The following ERBIN variants were observed in gnomAD, a reference collection of about 807,000 sequenced individuals.
ERBIN encodes the protein erbb2 interacting protein.
In ERBIN, 60 loss-of-function variants were observed where a neutral mutation model predicts 158.4. The observed-to-expected ratio is 0.38, with a 90% CI of 0.31 to 0.47. ERBIN has a LOEUF of 0.47. Ranked by LOEUF, ERBIN falls within the 20% of genes least tolerant of loss-of-function variation. The pLI, the probability that ERBIN is intolerant of heterozygous loss-of-function variation, is 0.99. For missense variants in ERBIN, 1,610 were observed against 1,648.0 expected (o/e 0.98, Z 0.40); for synonymous variants, 594 against 557.2 (o/e 1.07, Z -0.93).
At chr5:66,033,954 C>G (rs997386597) in intron 14 of ERBIN, among the ~76,000 whole-genome samples, 2 of 151,948 alleles carry the variant, frequency 1.3e-5, no homozygotes, top group Non-Finnish European at 2.9e-5. Flanking sequence ...ACTGAAAATA[C>G]AAAAATTAGC....
At chr5:65,944,427 G>C (rs975772558) in intron 1 of ERBIN, among the ~76,000 whole-genome samples, 1 of 151,874 alleles carries the variant, frequency 6.6e-6, no homozygotes, top group African/African-American at 2.4e-5. Flanking sequence ...TTTTGAGGCA[G>C]AGTTTGCTCT....
chr5:66,076,116 C>A, intron 23 of ERBIN, 200 bp from the exon 24 acceptor site: 1 of 539,932 alleles, frequency 1.9e-6, no homozygotes, highest in Non-Finnish European at 3.2e-6. Flanking sequence ...TTATATAATC[C>A]CAGCTCTGCC....
intron 1 of ERBIN, among the ~76,000 whole-genome samples, chr5:65,928,060 C>A (rs577141315): frequency 6.6e-6 from 1 of 151,878 alleles, no homozygotes; most frequent in Non-Finnish European, 1.5e-5. Context: ...ACCGGAAACC[C>A]GAGGAGAGAG....
chr5:65,977,413 G>A (rs1330475771), intron 1 of ERBIN, among the ~76,000 whole-genome samples: 3 of 150,894 alleles, frequency 2.0e-5, no homozygotes, highest in African/African-American at 7.3e-5. Flanking sequence ...GGCGGCTGCC[G>A]GGCGGAGGGG....
At chr5:66,004,496 T>G (rs1178728308) in intron 4 of ERBIN, among the ~76,000 whole-genome samples, 1 of 152,174 alleles carries the variant, frequency 6.6e-6, no homozygotes. Context: ...CCTCCCAGGT[T>G]CAAGCAATTC....
At chr5:66,055,840 A>G (rs989117751) in intron 21 of ERBIN, among the ~76,000 whole-genome samples, 3 of 152,338 alleles carry the variant, frequency 2.0e-5, no homozygotes, top group African/African-American at 7.2e-5. Context: ...TGCCTAAAAT[A>G]TATTAGTACC....
chr5:65,964,782 A>C, intron 1 of ERBIN, among the ~76,000 whole-genome samples: 1 of 125,058 alleles, frequency 8.0e-6, no homozygotes, highest in Non-Finnish European at 1.6e-5. Context: ...TCGCTCTGTC[A>C]CCCAGACTAG....
At chr5:66,068,654 T>G (rs1761243263) in intron 21 of ERBIN, among the ~76,000 whole-genome samples, 1 of 152,208 alleles carries the variant, frequency 6.6e-6, no homozygotes, top group South Asian at 2.1e-4. Flanking sequence ...TTCCTTTGCT[T>G]AAACATGTGA....
chr5:66,070,250 G>A (rs999438457), intron 21 of ERBIN, among the ~76,000 whole-genome samples: 3 of 151,916 alleles, frequency 2.0e-5, no homozygotes, highest in African/African-American at 7.3e-5. Context: ...TCACTATGTT[G>A]GCCAGAGGTC....
At chr5:66,055,548 T>A (rs1759501182) in intron 21 of ERBIN, among the ~76,000 whole-genome samples, 1 of 152,174 alleles carries the variant, frequency 6.6e-6, no homozygotes. Context: ...ATGCTCGTGT[T>A]CAATTTATAA....
intron 15 of ERBIN, 64 bp from the exon 16 acceptor site, chr5:66,043,013 C>T: frequency 8.2e-7 from 1 of 1,225,120 alleles, no homozygotes; most frequent in Non-Finnish European, 1.2e-6. Context: ...AAATTATGAG[C>T]AAGTGATAGT....
chr5:66,058,935 G>A (rs1168679640), intron 21 of ERBIN, among the ~76,000 whole-genome samples: 2 of 152,162 alleles, frequency 1.3e-5, no homozygotes, highest in Non-Finnish European at 2.9e-5. Context: ...TTTGGTTACT[G>A]TAGCCTTGTA....
At chr5:65,935,882 G>A (rs1008849499) in intron 1 of ERBIN, among the ~76,000 whole-genome samples, 4 of 152,010 alleles carry the variant, frequency 2.6e-5, no homozygotes, top group Non-Finnish European at 5.9e-5. Flanking sequence ...ATGCCACCAC[G>A]CCCAGCTAAT....
chr5:65,992,959 A>G, intron 3 of ERBIN, 52 bp downstream of exon 3: 1 of 1,357,680 alleles, frequency 7.4e-7, no homozygotes, highest in Non-Finnish European at 9.8e-7. Flanking sequence ...TTATATCTAG[A>G]AATATGATAT....
chr5:65,947,834 C>T, intron 1 of ERBIN, among the ~76,000 whole-genome samples: 1 of 151,898 alleles, frequency 6.6e-6, no homozygotes, highest in East Asian at 1.9e-4. Flanking sequence ...TGACAAAACC[C>T]CATCTCTACT....
intron 22 of ERBIN, among the ~76,000 whole-genome samples, chr5:66,073,063 A>G (rs539203716): frequency 6.6e-6 from 1 of 152,072 alleles, no homozygotes; most frequent in Admixed American, 6.5e-5. Flanking sequence ...CTCATTACAT[A>G]TATTTTGTGG....
At chr5:65,957,229 A>AT (rs1179877259) in intron 1 of ERBIN, among the ~76,000 whole-genome samples, 5 of 141,438 alleles carry the variant, frequency 3.5e-5, no homozygotes, top group South Asian at 4.2e-4. Context: ...ATTTTATTTT[A>AT]TTTTTTTTAT....
At chr5:66,012,320 C>T (rs1027257167) in intron 5 of ERBIN, among the ~76,000 whole-genome samples, 193 bp downstream of exon 5, 2 of 152,044 alleles carry the variant, frequency 1.3e-5, no homozygotes, top group Non-Finnish European at 2.9e-5. Flanking sequence ...AATTTGTGAT[C>T]CCAAAGAGAT....
At chr5:66,042,893 A>G (rs1003719637) in intron 15 of ERBIN, among the ~76,000 whole-genome samples, 184 bp from the exon 16 acceptor site, 1 of 152,122 alleles carries the variant, frequency 6.6e-6, no homozygotes, top group Non-Finnish European at 1.5e-5. Context: ...TTGTAAAGAA[A>G]TCTTACATGG....
Sources: gnomAD v4.1 joint callset for allele counts (sites outside exome capture counted in the v4.1 genomes callset) on GRCh38, gnomAD v4.1.1 for gene constraint, MANE v1.5 for transcripts, NCBI Gene and HGNC (gene_info 2026-07-23, HGNC 2026-07-21) for gene names.